WIPF2: variants seen among roughly 807,000 people sequenced by gnomAD.
WIPF2 encodes the protein WAS/WASL-interacting protein family member 2.
Under a neutral mutation model 38.8 loss-of-function variants are expected in WIPF2, and 23 were observed. The ratio of observed to expected loss-of-function variants is 0.59; its 90% CI spans 0.43 to 0.84. The LOEUF is 0.84. Ranked by LOEUF, WIPF2 falls within the 40% of genes least tolerant of loss-of-function variation. WIPF2 has a pLI of 0.00. For missense variants in WIPF2, 574 were observed against 580.5 expected (o/e 0.99, Z 0.11); for synonymous variants, 210 against 223.2 (o/e 0.94, Z 0.53).
chr17:40,263,835 G>A (rs1203339305), intron 4 of WIPF2, among the ~76,000 whole-genome samples: 1 of 151,716 alleles, frequency 6.6e-6, no homozygotes, highest in Non-Finnish European at 1.5e-5. Flanking sequence ...GAGCCACTGC[G>A]CCTGTTGTAG....
Position 40,273,675 on chromosome 17 carries a change from C to T in WIPF2, c.971-115C>T. On this transcript the variant is annotated intron_variant, in intron 5 of 7. Coordinates refer to ENST00000323571, the MANE Select transcript of WIPF2 (RefSeq NM_133264.5). ...TTCAAGTAATAAGGACAAAGGGGAA[C>T]CAGGCACTGTGAGCCTCTGTGGGGT... 5 of 672,176 alleles carry T rather than the reference C, an allele frequency of 7.4e-6. No individual in the cohort carries two copies. In the South Asian group the frequency reaches 8.5e-5, roughly 11 times the overall value. The allele number at this position is 672,176 out of a possible 1,614,324, so 41.6% of individuals were successfully genotyped here.
chr17:40,244,201 C>T (rs1270896464), intron 1 of WIPF2, among the ~76,000 whole-genome samples: 1 of 152,166 alleles, frequency 6.6e-6, no homozygotes, highest in Non-Finnish European at 1.5e-5. Flanking sequence ...CTGTTATAGT[C>T]TGTCCTAGAA....
intron 3 of WIPF2, among the ~76,000 whole-genome samples, chr17:40,261,651 G>A (rs2031903811): frequency 6.7e-6 from 1 of 149,152 alleles, no homozygotes; most frequent in African/African-American, 2.5e-5. Flanking sequence ...AAGGAAGATC[G>A]GCCACTTGTT....
chr17:40,255,789 G>A (rs936660821), intron 1 of WIPF2, among the ~76,000 whole-genome samples: 10 of 151,540 alleles, frequency 6.6e-5, no homozygotes, highest in Admixed American at 1.3e-4. Flanking sequence ...CCACCACACC[G>A]CTACTTTTTT....
chr17:40,263,571 C>A, intron 4 of WIPF2, among the ~76,000 whole-genome samples: 1 of 104,168 alleles, frequency 9.6e-6, no homozygotes, highest in Non-Finnish European at 1.8e-5. Flanking sequence ...CAAATGGAGT[C>A]TTGCTCTGTC....
In WIPF2 at chr17:40,273,894, C is replaced by A; in HGVS notation, c.1075C>A (p.Pro359Thr). The change falls in exon 6 of 8, where the codon CCC (proline) becomes ACC (threonine). Residue 359 changes from proline (P) to threonine (T), a missense_variant. By Grantham distance (38) the Pro-to-Thr change is conservative (BLOSUM62 -1). Coordinates refer to ENST00000323571, the MANE Select transcript of WIPF2 (RefSeq NM_133264.5). ...HGSEPPSRGK[P>T]PPPPSRTPAG... ...GTCAGAACCCCCGAGCCGAGGAAAG[C>A]CCCCACCTCCACCCTCAAGGACGCC... The A allele has an allele frequency of 6.3e-7, 1 of 1,577,774 alleles. No individual in the cohort carries two copies. The highest frequency in any genetic ancestry group is 8.6e-7 in the Non-Finnish European group (1 of 1,158,456).
chr17:40,226,798 A>G (rs572489883), intron 1 of WIPF2, among the ~76,000 whole-genome samples: 18 of 151,280 alleles, frequency 1.2e-4, no homozygotes, highest in Admixed American at 1.3e-4. Flanking sequence ...CTGGAGTGCA[A>G]TGGCACAATC....
chr17:40,234,365 G>A (rs1295405244), intron 1 of WIPF2, among the ~76,000 whole-genome samples: 2 of 151,852 alleles, frequency 1.3e-5, no homozygotes, highest in Non-Finnish European at 2.9e-5. Context: ...CCTGGGAGGC[G>A]GAGGTTGCAG....
chr17:40,249,095 C>T (rs1449781686), intron 1 of WIPF2, among the ~76,000 whole-genome samples: 1 of 152,072 alleles, frequency 6.6e-6, no homozygotes, highest in Non-Finnish European at 1.5e-5. Context: ...AAGGAAAGTA[C>T]TGTTACCTGA....
chr17:40,262,305 A>G (rs1254660230), intron 3 of WIPF2, among the ~76,000 whole-genome samples: 1 of 150,056 alleles, frequency 6.7e-6, no homozygotes, highest in East Asian at 2.0e-4. Flanking sequence ...CTGCTCTCGA[A>G]CTCCTGAGCT....
At chr17:40,239,848 C>T (rs760422837) in intron 1 of WIPF2, among the ~76,000 whole-genome samples, 6 of 151,820 alleles carry the variant, frequency 4.0e-5, no homozygotes, top group Non-Finnish European at 7.4e-5. Flanking sequence ...AAGTGCCTGC[C>T]ACCGTGCCCG....
In WIPF2 at chr17:40,273,929, A is replaced by G; in HGVS notation, c.1110A>G (p.Pro370=). The G allele has an allele frequency of 6.8e-7, 1 of 1,479,112 alleles. No individual in the cohort carries two copies. 91.6% of individuals were successfully genotyped at this position (1,479,112 alleles called of 1,614,324 possible). Reference sequence around the variant, plus strand: ...CACCCTCAAGGACGCCAGCTGGGCCACCCCCTCCTCCTCCACCGCCCCTGA... The same window carrying G: ...CACCCTCAAGGACGCCAGCTGGGCCGCCCCCTCCTCCTCCACCGCCCCTGA... ...PPPPSRTPAG[P]PPPPPPPLRN... Residue 370 remains proline (P), a synonymous_variant, in exon 6 of 8, where the codon CCA becomes CCG. Coordinates refer to ENST00000323571, the MANE Select transcript of WIPF2 (RefSeq NM_133264.5).
chr17:40,248,734 C>G (rs2031458916), intron 1 of WIPF2, among the ~76,000 whole-genome samples: 1 of 152,214 alleles, frequency 6.6e-6, no homozygotes, highest in African/African-American at 2.4e-5. Context: ...GAAGACACAA[C>G]TGTCTTCTCC....
At chr17:40,248,722 T>C (rs2031457957) in intron 1 of WIPF2, among the ~76,000 whole-genome samples, 1 of 152,212 alleles carries the variant, frequency 6.6e-6, no homozygotes, top group African/African-American at 2.4e-5. Flanking sequence ...TCTTTTTCTT[T>C]TGAAGACACA....
chr17:40,245,435 C>T (rs185923461), intron 1 of WIPF2, among the ~76,000 whole-genome samples: 73 of 152,062 alleles, frequency 4.8e-4, no homozygotes, highest in African/African-American at 1.6e-3. Flanking sequence ...CTCCACCTCC[C>T]GGGTTCAAGT....
intron 1 of WIPF2, among the ~76,000 whole-genome samples, chr17:40,248,163 C>CTTTTTTTTTTTTTTTT (rs60359132): frequency 6.3e-5 from 3 of 47,620 alleles, no homozygotes; most frequent in Non-Finnish European, 1.3e-4. Flanking sequence ...AAAGTTATTT[C>CTTTTTTTTTTTTTTTT]TTTTTTTTTT....
chr17:40,231,703 G>A (rs1210710644), intron 1 of WIPF2, among the ~76,000 whole-genome samples: 11 of 152,030 alleles, frequency 7.2e-5, no homozygotes, highest in African/African-American at 1.2e-4. Context: ...GATTACAGGC[G>A]TGAGCCACCA....
chr17:40,237,126 A>G (rs908095636), intron 1 of WIPF2, among the ~76,000 whole-genome samples: 37 of 152,062 alleles, frequency 2.4e-4, no homozygotes, highest in Admixed American at 1.6e-3. Context: ...TTGTATTGAT[A>G]ATGTATTCTC....
intron 5 of WIPF2, among the ~76,000 whole-genome samples, chr17:40,272,600 A>AGGG (rs796599818): frequency 5.3e-5 from 8 of 152,300 alleles, no homozygotes; most frequent in African/African-American, 1.9e-4. Flanking sequence ...TCAGAAGAAA[A>AGGG]TGGATTGCTT....
Sources: gnomAD v4.1 joint callset for allele counts (sites outside exome capture counted in the v4.1 genomes callset) on GRCh38, gnomAD v4.1.1 for gene constraint, MANE v1.5 for transcripts, NCBI Gene and HGNC (gene_info 2026-07-23, HGNC 2026-07-21) for gene names.